The following MME variants were observed in gnomAD, a reference collection of about 807,000 sequenced individuals.
MME encodes neprilysin.
Under a neutral mutation model 113.2 loss-of-function variants are expected in MME, and 98 were observed. The observed-to-expected ratio is 0.87, with a 90% CI of 0.74 to 1.02. The LOEUF is 1.02. MME is among the 50% of genes least tolerant of loss of function. The pLI is 0.00. For synonymous variants in MME, 292 were observed against 300.6 expected, an observed-to-expected ratio of 0.97 and a Z score of 0.30; for missense variants, 836 against 896.0, an observed-to-expected ratio of 0.93 and a Z score of 0.86.
chr3:155,178,395 GGAAAGGGAA>G (rs1380948699), intron 22 of MME, among the ~76,000 whole-genome samples: 1 of 152,076 alleles, frequency 6.6e-6, no homozygotes, highest in Non-Finnish European at 1.5e-5. Context: ...TCTGGAATGA[GGAAAGGGAA>G]AGAAAATGCT....
In MME at chr3:155,180,576, A is replaced by G; in HGVS notation, c.*117A>G. Reference sequence around the variant, plus strand: ...TCACTGTACTGACTTGAGGGTGATTAACAGAGAGGGCACCATCACAATACA... The same window carrying G: ...TCACTGTACTGACTTGAGGGTGATTGACAGAGAGGGCACCATCACAATACA... On this transcript the variant is annotated 3_prime_UTR_variant, in exon 23 of 23. Coordinates refer to ENST00000360490, the MANE Select transcript of MME (RefSeq NM_007289.4). 1.3e-6 allele frequency: 1 copy of G among 782,898 alleles called. No homozygotes were observed. Among genetic ancestry groups the G allele is most frequent in the Non-Finnish European group, 2.3e-6 (1 of 434,254 alleles). 48.5% of individuals were successfully genotyped at this position (782,898 alleles called of 1,614,324 possible).
intron 3 of MME, among the ~76,000 whole-genome samples, chr3:155,089,043 A>G (rs1716044472): frequency 6.6e-6 from 1 of 152,210 alleles, no homozygotes; most frequent in Non-Finnish European, 1.5e-5. Context: ...CTGAGCATCT[A>G]GGATTTAAAT....
intron 3 of MME, 33 bp downstream of exon 3, chr3:155,085,127 C>T (rs762553367): frequency 1.4e-6 from 2 of 1,390,386 alleles, no homozygotes; most frequent in Non-Finnish European, 2.0e-6. Context: ...AATAGTTATA[C>T]AACTGATGTA....
At chr3:155,098,089 AC>A (rs1423107122) in intron 3 of MME, among the ~76,000 whole-genome samples, 1 of 152,196 alleles carries the variant, frequency 6.6e-6, no homozygotes, top group East Asian at 1.9e-4. Flanking sequence ...ATATAAAAAA[AC>A]ATTATTAGAT....
At chr3:155,083,829 T>C (rs751323918) in intron 1 of MME, 7 of 301,860 alleles carry the variant, frequency 2.3e-5, no homozygotes, top group Admixed American at 4.8e-5. Context: ...GTACAGCAAT[T>C]ATTTGCTTAT....
intron 3 of MME, among the ~76,000 whole-genome samples, chr3:155,113,952 G>T (rs1182690049): frequency 1.3e-5 from 2 of 152,102 alleles, no homozygotes; most frequent in African/African-American, 2.4e-5. Flanking sequence ...CAAAAAAGTG[G>T]TTCAATGGGG....
chr3:155,101,507 C>A (rs1011661220), intron 3 of MME, among the ~76,000 whole-genome samples: 12 of 152,288 alleles, frequency 7.9e-5, no homozygotes, highest in African/African-American at 2.2e-4. Flanking sequence ...CTGCCTCTGA[C>A]CCCAGCTCTA....
intron 14 of MME, 52 bp downstream of exon 14, chr3:155,144,509 A>C: frequency 8.5e-7 from 1 of 1,182,222 alleles, no homozygotes; most frequent in Non-Finnish European, 1.3e-6. Flanking sequence ...AGTATAGGAA[A>C]AATTAACTTT....
In MME at chr3:155,142,222, G is replaced by C; in HGVS notation, c.1095-15G>C. On this transcript the variant is annotated splice_polypyrimidine_tract_variant and intron_variant, in intron 11 of 22. Coordinates refer to ENST00000360490, the MANE Select transcript of MME (RefSeq NM_007289.4). Reference sequence around the variant, plus strand: ...TCATCTTTTCTGTTGCTGGGCGGTGGTTTTTTTTATACAGAGATCTTCAAA... The same window carrying C: ...TCATCTTTTCTGTTGCTGGGCGGTGCTTTTTTTTATACAGAGATCTTCAAA... 3.1e-6 allele frequency: 5 copies of C among 1,612,116 alleles called. No homozygotes were observed. Among genetic ancestry groups the C allele is most frequent in the Non-Finnish European group, 8.5e-7 (1 of 1,178,574 alleles).
At chr3:155,075,910 A>T (rs535025265), upstream of MME, among the ~76,000 whole-genome samples, 25 of 152,138 alleles carry the variant, frequency 1.6e-4, no homozygotes, top group South Asian at 4.6e-3. Flanking sequence ...CTTTTTTATC[A>T]CCATTCTTTT....
In MME at chr3:155,100,711, A is replaced by T. The variant is rs6800145; in HGVS notation, c.197-14283A>T. On this transcript the variant is annotated intron_variant, in intron 3 of 22. Coordinates refer to ENST00000360490, the MANE Select transcript of MME (RefSeq NM_007289.4). ...AAACTCATATCATGCAAATATGAAT[A>T]TTTTAATAGCTACTATAAAATAGTA... 9.6e-3 allele frequency among the ~76,000 whole-genome samples: 1,452 copies of T among 151,992 alleles called. 21 individuals are homozygous for T. The highest frequency in any genetic ancestry group is 0.034 in the African/African-American group (1,392 of 41,488).
At chr3:155,108,120 C>T (rs146841924) in intron 3 of MME, among the ~76,000 whole-genome samples, 144 of 152,282 alleles carry the variant, frequency 9.5e-4, no homozygotes, top group African/African-American at 3.2e-3. Flanking sequence ...CCCACAGGAA[C>T]CTAACCTTGT....
Position 155,180,760 on chromosome 3 carries a change from C to T in MME, c.*301C>T. On this transcript the variant is annotated 3_prime_UTR_variant, in exon 23 of 23. Coordinates refer to ENST00000360490, the MANE Select transcript of MME (RefSeq NM_007289.4). ...TATGGTCTACCAGTTTGCTGATGTC[C>T]CTAGAAAACAATGCAAAACCTTTGA... The T allele has an allele frequency of 3.0e-6, 1 of 334,334 alleles. No individual in the cohort carries two copies. 20.7% of individuals were successfully genotyped at this position (334,334 alleles called of 1,614,324 possible). A position where few individuals can be genotyped will look rare whatever the true frequency, so the allele number is the denominator to read the frequency against.
At chr3:155,088,455 G>T (rs183255771) in intron 3 of MME, among the ~76,000 whole-genome samples, 1 of 152,174 alleles carries the variant, frequency 6.6e-6, no homozygotes, top group African/African-American at 2.4e-5. Context: ...AGGCTGAGGC[G>T]GGCAGATCAC....
At chr3:155,152,933 G>A (rs1182610466) in intron 16 of MME, among the ~76,000 whole-genome samples, 2 of 151,998 alleles carry the variant, frequency 1.3e-5, no homozygotes, top group African/African-American at 2.4e-5. Flanking sequence ...AAGAAATTGA[G>A]GAAGTCAGGA....
At chr3:155,140,123 T>A in intron 9 of MME, 68 bp from the exon 10 acceptor site, 2 of 1,053,520 alleles carry the variant, frequency 1.9e-6, no homozygotes, top group Non-Finnish European at 2.9e-6. Flanking sequence ...ATTTTTACCC[T>A]CATATGTAGT....
intron 8 of MME, 31 bp downstream of exon 8, chr3:155,118,842 C>T: frequency 7.5e-7 from 1 of 1,340,298 alleles, no homozygotes; most frequent in South Asian, 1.2e-5. Context: ...CAAAACCAAA[C>T]TACAAAATGA....
intron 1 of MME, among the ~76,000 whole-genome samples, chr3:155,046,590 C>T (rs570302410): frequency 1.2e-4 from 18 of 151,950 alleles, no homozygotes; most frequent in African/African-American, 3.9e-4. Flanking sequence ...CTTAGGAGGC[C>T]GAGGCAGGAG....
chr3:155,143,719 C>T (rs987412852), intron 13 of MME, 148 bp downstream of exon 13: 3 of 969,362 alleles, frequency 3.1e-6, no homozygotes, highest in East Asian at 5.6e-5. Context: ...CATTGTTTCC[C>T]AATAAATCTT....
Sources: gnomAD v4.1 joint callset for allele counts (sites outside exome capture counted in the v4.1 genomes callset) on GRCh38, gnomAD v4.1.1 for gene constraint, MANE v1.5 for transcripts, NCBI Gene and HGNC (gene_info 2026-07-23, HGNC 2026-07-21) for gene names.